Variants in ZNF695 observed in about 807,000 individuals in gnomAD.
ZNF695 encodes the protein zinc finger protein SBZF3.
A neutral mutation model predicts 11.2 loss-of-function variants in ZNF695; 11 were observed. The observed-to-expected ratio is 0.98, with a 90% CI of 0.62 to 1.62. ZNF695 has a LOEUF of 1.62. ZNF695 is among the 40% of genes most tolerant of loss of function. The pLI is 0.00. For synonymous variants in ZNF695, 190 were observed against 201.4 expected, an observed-to-expected ratio of 0.94 and a Z score of 0.48; for missense variants, 559 against 590.5, an observed-to-expected ratio of 0.95 and a Z score of 0.55.
intron 5 of ZNF695, chr1:246,945,862 T>A: frequency 6.5e-7 from 1 of 1,549,390 alleles, no homozygotes. Context: ...CAGCTTAAGG[T>A]TCCGAGTAGC....
chr1:246,987,236 T>C lies in ZNF695; in HGVS notation c.1279A>G (p.Lys427Glu), dbSNP rs746197695. 5.0e-6 allele frequency: 8 copies of C among 1,613,912 alleles called. No homozygotes were observed. The highest frequency in any genetic ancestry group is 6.8e-6 in the Non-Finnish European group (8 of 1,179,974). Residue 427 changes from lysine (K) to glutamate (E), a missense_variant, in exon 4 of 4, where the codon AAG (lysine) becomes GAG (glutamate). Lys to Glu is a moderately conservative substitution (Grantham distance 56, BLOSUM62 1). Coordinates refer to ENST00000339986, the MANE Select transcript of ZNF695 (RefSeq NM_020394.5). ...FTWFSYLTQH[K>E]RIHTGEKPYK... Reference sequence around the variant, plus strand: ...GGTTTCTCTCCAGTATGAATTCTCTTATGTTGAGTAAGGTATGAAAACCAG... The same window carrying C: ...GGTTTCTCTCCAGTATGAATTCTCTCATGTTGAGTAAGGTATGAAAACCAG...
intron 3 of ZNF695, among the ~76,000 whole-genome samples, chr1:246,995,855 AAC>A (rs927080739): frequency 1.6e-4 from 25 of 152,048 alleles, no homozygotes; most frequent in Admixed American, 1.6e-3. Context: ...CGGTAATTAA[AAC>A]AGTTTGGTAT....
chr1:246,993,948 C>T (rs961742841), intron 3 of ZNF695, among the ~76,000 whole-genome samples: 1 of 151,846 alleles, frequency 6.6e-6, no homozygotes, highest in Non-Finnish European at 1.5e-5. Flanking sequence ...CCAACGTGGG[C>T]GGATCACTTG....
At chr1:247,001,401 T>A (rs375271343) in intron 1 of ZNF695, among the ~76,000 whole-genome samples, 1,986 of 141,220 alleles carry the variant, frequency 0.014, 25 homozygotes, top group African/African-American at 0.015. Context: ...GTCTCTGTTT[T>A]AAAAAAAAAA....
intron 5 of ZNF695, among the ~76,000 whole-genome samples, chr1:246,959,338 T>A (rs1294462662): frequency 1.9e-4 from 20 of 108,060 alleles, no homozygotes; most frequent in Non-Finnish European, 2.5e-4. Flanking sequence ...TATATATATA[T>A]ATATATATAT....
At chr1:246,988,300 A>G in intron 3 of ZNF695, 45 bp from the exon 4 acceptor site, 7 of 1,411,946 alleles carry the variant, frequency 5.0e-6, no homozygotes, top group Non-Finnish European at 6.7e-6. Flanking sequence ...ACTAGATAGC[A>G]TCCTTTACAA....
At chr1:246,964,447 T>A (rs1668237637) in intron 5 of ZNF695, among the ~76,000 whole-genome samples, 1 of 152,062 alleles carries the variant, frequency 6.6e-6, no homozygotes, top group African/African-American at 2.4e-5. Context: ...AGACCAAATA[T>A]CAGAACAAAA....
intron 4 of ZNF695, among the ~76,000 whole-genome samples, chr1:246,972,499 C>T (rs187752974): frequency 1.1e-3 from 163 of 152,294 alleles, no homozygotes; most frequent in Non-Finnish European, 2.2e-3. Context: ...TACTGGGAAT[C>T]CAAAAAGCCT....
At chr1:246,948,774 AAGACAAG>A (rs1421777272) in intron 5 of ZNF695, among the ~76,000 whole-genome samples, 1 of 152,190 alleles carries the variant, frequency 6.6e-6, no homozygotes, top group Admixed American at 6.6e-5. Context: ...AGGCTCATAG[AAGACAAG>A]AGAGGTAAGA....
intron 5 of ZNF695, among the ~76,000 whole-genome samples, chr1:246,963,757 T>C (rs1391864478): frequency 2.6e-5 from 4 of 152,166 alleles, no homozygotes; most frequent in Non-Finnish European, 5.9e-5. Flanking sequence ...ACCGACCAAT[T>C]CTCCAACACC....
chr1:246,949,047 CATG>C (rs1353784578), intron 5 of ZNF695, among the ~76,000 whole-genome samples: 3 of 152,136 alleles, frequency 2.0e-5, no homozygotes, highest in African/African-American at 7.2e-5. Flanking sequence ...AGAATATTTG[CATG>C]ATATTTAAGG....
chr1:246,961,533 A>T (rs1668163848), intron 5 of ZNF695, among the ~76,000 whole-genome samples: 1 of 152,080 alleles, frequency 6.6e-6, no homozygotes. Flanking sequence ...CTCTCTTCAT[A>T]CGTACAGGAA....
chr1:246,945,703 C>T (rs1358280297), exon 6 of ZNF695: 13 of 1,341,410 alleles, frequency 9.7e-6, no homozygotes, highest in Non-Finnish European at 1.2e-5. Context: ...ATTCAGAACT[C>T]GGGCTGACGC....
chr1:246,958,097 C>T (rs1258736357), intron 5 of ZNF695, among the ~76,000 whole-genome samples: 14 of 148,860 alleles, frequency 9.4e-5, no homozygotes, highest in Admixed American at 4.0e-4. Context: ...CTTGCTCTGT[C>T]GCCCAGGCTG....
intron 5 of ZNF695, among the ~76,000 whole-genome samples, chr1:246,957,428 C>T (rs1405161021): frequency 6.6e-6 from 1 of 151,606 alleles, no homozygotes; most frequent in Non-Finnish European, 1.5e-5. Context: ...GAAGAAACCA[C>T]AGCAGAAAAT....
downstream of ZNF695, among the ~76,000 whole-genome samples, chr1:246,981,758 T>C (rs1020726106): frequency 3.3e-5 from 5 of 152,166 alleles, no homozygotes; most frequent in Admixed American, 2.6e-4. Flanking sequence ...AATTTGGCTA[T>C]TGTAGAAACA....
intron 5 of ZNF695, among the ~76,000 whole-genome samples, chr1:246,950,424 C>T (rs574482519): frequency 3.3e-5 from 5 of 152,004 alleles, no homozygotes; most frequent in Admixed American, 3.3e-4. Flanking sequence ...CCAAGGTGGG[C>T]GGATCACCTG....
downstream of ZNF695, among the ~76,000 whole-genome samples, chr1:246,981,472 TATTTGGGAA>T (rs1668710651): frequency 6.6e-6 from 1 of 152,194 alleles, no homozygotes; most frequent in Non-Finnish European, 1.5e-5. Flanking sequence ...AAATATATAA[TATTTGGGAA>T]TATTTGGGAA....
At chr1:246,950,462 T>C (rs1667843337) in intron 5 of ZNF695, among the ~76,000 whole-genome samples, 1 of 152,068 alleles carries the variant, frequency 6.6e-6, no homozygotes, top group Non-Finnish European at 1.5e-5. Flanking sequence ...CCAGCCTGGC[T>C]AACACGGTGA....
Sources: gnomAD v4.1 joint callset for allele counts (sites outside exome capture counted in the v4.1 genomes callset) on GRCh38, gnomAD v4.1.1 for gene constraint, MANE v1.5 for transcripts, NCBI Gene and HGNC (gene_info 2026-07-23, HGNC 2026-07-21) for gene names.